LMX1B: variants seen among roughly 807,000 people sequenced by gnomAD.
LMX1B encodes the protein LIM homeobox transcription factor 1-beta.
In LMX1B, 12 loss-of-function variants were observed where a neutral mutation model predicts 51.4. The observed-to-expected ratio is 0.23, with a 90% CI of 0.15 to 0.38. The LOEUF (loss-of-function observed/expected upper bound fraction) is 0.38, where lower values mean the gene tolerates loss of function less well. LMX1B is among the 10% of genes least tolerant of loss of function. LMX1B has a pLI of 1.00. For synonymous variants in LMX1B, 237 were observed against 235.4 expected, an observed-to-expected ratio of 1.01 and a Z score of -0.06; for missense variants, 445 against 571.1, an observed-to-expected ratio of 0.78 and a Z score of 2.25.
intron 2 of LMX1B, among the ~76,000 whole-genome samples, chr9:126,623,801 AG>A (rs926557776): frequency 6.6e-6 from 1 of 152,196 alleles, no homozygotes; most frequent in African/African-American, 2.4e-5. Context: ...GGCCAGCGGA[AG>A]AAAAAGGTTA....
intron 2 of LMX1B, among the ~76,000 whole-genome samples, chr9:126,685,317 G>A (rs1439531631): frequency 2.0e-5 from 3 of 152,178 alleles, no homozygotes; most frequent in African/African-American, 7.2e-5. Context: ...GGCCGAGAGA[G>A]CTGGGTGTCA....
chr9:126,658,978 G>A lies in LMX1B; in HGVS notation c.327-31858G>A, dbSNP rs2118916742. On this transcript the variant is annotated intron_variant, in intron 2 of 7. Transcript: ENST00000373474. The surrounding 1 kb of genome is among the most constrained non-coding windows in gnomAD (Gnocchi z 4.0). The stretch of plus-strand genomic sequence containing the variant: ...GATCCAAGGCTGGGATACAGGGTGG[G>A]AGGGACCCTTCAGGGGGCTGAGAGG... Among the ~76,000 whole-genome samples, 1 of 152,326 alleles carries A rather than the reference G, an allele frequency of 6.6e-6. No individual in the cohort carries two copies. The highest frequency in any genetic ancestry group is 2.4e-5 in the African/African-American group (1 of 41,566).
intron 2 of LMX1B, among the ~76,000 whole-genome samples, chr9:126,675,205 G>C (rs1469079267): frequency 6.6e-6 from 1 of 152,144 alleles, no homozygotes; most frequent in Non-Finnish European, 1.5e-5. Flanking sequence ...AAACCAGGCC[G>C]GGAGGGGAAT....
chr9:126,624,370 A>G (rs1410583473), intron 2 of LMX1B, among the ~76,000 whole-genome samples: 1 of 152,086 alleles, frequency 6.6e-6, no homozygotes, highest in Non-Finnish European at 1.5e-5. Flanking sequence ...TGGCATTTTC[A>G]TTCCTTGTTG....
intron 2 of LMX1B, among the ~76,000 whole-genome samples, chr9:126,652,727 C>G (rs1836045471): frequency 6.6e-6 from 1 of 152,196 alleles, no homozygotes; most frequent in Non-Finnish European, 1.5e-5. Flanking sequence ...GATGGGGGTC[C>G]CTGCCAATCC....
chr9:126,669,036 G>C (rs1836397895), intron 2 of LMX1B, among the ~76,000 whole-genome samples: 3 of 152,386 alleles, frequency 2.0e-5, no homozygotes, highest in African/African-American at 7.2e-5. Context: ...GGAAGCAGCA[G>C]CAGGCCTGGG....
chr9:126,615,342 G>A lies in LMX1B; in HGVS notation c.140-41G>A. 6.8e-7 allele frequency: 1 copy of A among 1,478,316 alleles called. No individual in the cohort carries two copies. The highest frequency in any genetic ancestry group is 1.4e-5 in the African/African-American group (1 of 69,046). 91.6% of individuals were successfully genotyped at this position (1,478,316 alleles called of 1,614,324 possible). A position where few individuals can be genotyped will look rare whatever the true frequency, so the allele number is the denominator to read the frequency against. ...GCGACCGGGACGCCGGGGCTGGGCC[G>A]GGCGGCGCTGACGGCCGGGCTTTCG... On this transcript the variant is annotated intron_variant, in intron 1 of 7. Transcript: ENST00000373474. This position sits in a 1 kb window ranked among gnomAD's most constrained non-coding sequence, Gnocchi z 6.0.
intron 2 of LMX1B, among the ~76,000 whole-genome samples, chr9:126,623,227 G>A (rs1156434419): frequency 1.3e-5 from 2 of 152,170 alleles, no homozygotes; most frequent in East Asian, 1.9e-4. Context: ...GCATGGGGCC[G>A]GTCTGGATGC....
rs1380407034 is a variant in LMX1B, at chr9:126,695,161, C to T, written c.887-678C>T. ...GACCCCACCCTTCCTCTGGCTTCCT[C>T]ACCCACTGGCCCCAGCCTCGGTCTC... On this transcript the variant is annotated intron_variant, in intron 6 of 7. Coordinates refer to ENST00000373474, the MANE Select transcript of LMX1B (RefSeq NM_001174147.2). The surrounding 1 kb of genome is among the most constrained non-coding windows in gnomAD (Gnocchi z 5.2). 1.3e-5 allele frequency among the ~76,000 whole-genome samples: 2 copies of T among 152,182 alleles called. No individual in the cohort carries two copies. Among genetic ancestry groups the T allele is most frequent in the Admixed American group, 6.5e-5 (1 of 15,280 alleles).
Position 126,694,556 on chromosome 9 carries a change from C to T in LMX1B, c.886+744C>T, listed in dbSNP as rs148786340. Among the ~76,000 whole-genome samples the T allele has an allele frequency of 9.4e-3, 1,428 of 152,302 alleles. 11 individuals are homozygous for T. The highest frequency in any genetic ancestry group is 0.015 in the Non-Finnish European group (1,038 of 68,000). The stretch of plus-strand genomic sequence containing the variant: ...GGGCTGGTCTCCTGGGCCTTCAAAG[C>T]CATGAGGGAGGAGCAGGGAGCTCCC... On this transcript the variant is annotated intron_variant, in intron 6 of 7. Transcript: ENST00000373474.
At chr9:126,635,115 A>G (rs1415947760) in intron 2 of LMX1B, among the ~76,000 whole-genome samples, 3 of 152,186 alleles carry the variant, frequency 2.0e-5, no homozygotes, top group Admixed American at 6.5e-5. Context: ...CATTTCACAG[A>G]TGAGGGGACT....
chr9:126,645,841 C>G (rs539847512), intron 2 of LMX1B, among the ~76,000 whole-genome samples: 1 of 152,180 alleles, frequency 6.6e-6, no homozygotes, highest in South Asian at 2.1e-4. Context: ...AGCAAGAGAG[C>G]TCTGGAACCC....
intron 2 of LMX1B, among the ~76,000 whole-genome samples, chr9:126,659,712 T>A (rs1836191068): frequency 6.6e-6 from 1 of 151,586 alleles, no homozygotes; most frequent in Non-Finnish European, 1.5e-5. Flanking sequence ...TGGGGGTGCC[T>A]ACACTGGCCT....
intron 2 of LMX1B, among the ~76,000 whole-genome samples, chr9:126,652,169 G>A (rs1002440742): frequency 6.6e-6 from 1 of 152,150 alleles, no homozygotes; most frequent in African/African-American, 2.4e-5. Flanking sequence ...ACCCAAACCG[G>A]AGGAGCTGCC....
intron 2 of LMX1B, among the ~76,000 whole-genome samples, chr9:126,686,647 TG>T (rs2029897002): frequency 6.6e-6 from 1 of 152,230 alleles, no homozygotes; most frequent in Admixed American, 6.5e-5. Flanking sequence ...GAGACAGACA[TG>T]GGCATGGTGC....
intron 2 of LMX1B, among the ~76,000 whole-genome samples, chr9:126,630,168 A>AAG (rs1835607966): frequency 2.6e-5 from 4 of 151,320 alleles, no homozygotes; most frequent in Admixed American, 2.0e-4. Context: ...TCTCAAAAAA[A>AAG]AAAAAAAAAA....
intron 2 of LMX1B, among the ~76,000 whole-genome samples, chr9:126,654,846 C>T (rs1836082075): frequency 6.6e-6 from 1 of 152,200 alleles, no homozygotes; most frequent in South Asian, 2.1e-4. Flanking sequence ...GGTTGGCCAT[C>T]CAGGCCTAGA....
chr9:126,654,400 G>A (rs1225594854), intron 2 of LMX1B, among the ~76,000 whole-genome samples: 1 of 152,222 alleles, frequency 6.6e-6, no homozygotes, highest in Non-Finnish European at 1.5e-5. Flanking sequence ...CTTGGAGGCA[G>A]AGACTGTGTC....
rs1836502920 is a variant in LMX1B at position 126,673,707 on chromosome 9, C to G, written c.327-17129C>G. Among the ~76,000 whole-genome samples, 1 of 152,146 alleles carries G rather than the reference C, an allele frequency of 6.6e-6. No homozygotes were observed. The highest frequency in any genetic ancestry group is 1.5e-5 in the Non-Finnish European group (1 of 68,020). ...CTGTGCTTCCTGGGCGCCTCACCTC[C>G]TCCCTGACTCCTGGAGACTCCCAGC... On this transcript the variant is annotated intron_variant, in intron 2 of 7. Coordinates refer to ENST00000373474, the MANE Select transcript of LMX1B (RefSeq NM_001174147.2). The surrounding 1 kb of genome is among the most constrained non-coding windows in gnomAD (Gnocchi z 4.4).
Sources: gnomAD v4.1 joint callset for allele counts (sites outside exome capture counted in the v4.1 genomes callset) on GRCh38, gnomAD v4.1.1 for gene constraint, Gnocchi (gnomAD v3.1) non-coding constraint, MANE v1.5 for transcripts, NCBI Gene and HGNC (gene_info 2026-07-23, HGNC 2026-07-21) for gene names.